SLA: variants seen among roughly 807,000 people sequenced by gnomAD.
SLA encodes the protein Src like adaptor.
A neutral mutation model predicts 30.3 loss-of-function variants in SLA; 16 were observed. The ratio of observed to expected loss-of-function variants is 0.53; its 90% CI spans 0.36 to 0.80. The LOEUF is 0.80. Among genes scored for constraint, SLA ranks in the 30% least tolerant of loss-of-function variants. The pLI is 0.01. For missense variants in SLA, 310 were observed against 345.2 expected, an observed-to-expected ratio of 0.90 and a Z score of 0.81; for synonymous variants, 143 against 137.8, an observed-to-expected ratio of 1.04 and a Z score of -0.26.
In SLA at chr8:133,090,519, C is replaced by T. The variant is rs540404793; in HGVS notation, c.-319+12034G>A. Among the ~76,000 whole-genome samples, 3 of 152,346 alleles carry T rather than the reference C, an allele frequency of 2.0e-5. No homozygotes were observed. The South Asian group carries it at 6.2e-4, about 32-fold the overall frequency. ...GCTGCTTTGCATGTAGAGGCACTTT[C>T]CCCCAAGTCAGACAGCGCAAGGGAC... is the stretch of plus-strand genomic sequence containing the variant. On this transcript the variant is annotated intron_variant, in intron 1 of 8. Transcript: ENST00000338087.
chr8:133,066,229 G>A (rs948458410), intron 2 of SLA, among the ~76,000 whole-genome samples: 7 of 151,038 alleles, frequency 4.6e-5, no homozygotes, highest in Non-Finnish European at 1.0e-4. Flanking sequence ...GGGAGGCTGA[G>A]GCAAGAGAAC....
At chr8:133,050,667 A>G (rs2252807) in intron 4 of SLA, 149 bp downstream of exon 4, 451,680 of 613,118 alleles carry the variant, frequency 0.74, 167,318 homozygotes, top group African/African-American at 0.82. Context: ...TTAAAGAGGA[A>G]GGTTGCAGTA....
intron 1 of SLA, among the ~76,000 whole-genome samples, chr8:133,089,801 C>T (rs1020106494): frequency 1.3e-5 from 2 of 152,140 alleles, no homozygotes; most frequent in African/African-American, 2.4e-5. Flanking sequence ...CAGCCTCTGA[C>T]CCCACTGCCA....
At chr8:133,082,224 A>G (rs1845857693) in intron 1 of SLA, among the ~76,000 whole-genome samples, 2 of 152,006 alleles carry the variant, frequency 1.3e-5, no homozygotes, top group African/African-American at 2.4e-5. Context: ...TATCTTTTCT[A>G]TTGGTCTGAC....
chr8:133,066,019 A>G (rs551895840), intron 2 of SLA, among the ~76,000 whole-genome samples: 1 of 152,154 alleles, frequency 6.6e-6, no homozygotes, highest in African/African-American at 2.4e-5. Context: ...TCAAAAGGGC[A>G]GGAGTGAATC....
chr8:133,075,636 A>G (rs1256427808), intron 1 of SLA, among the ~76,000 whole-genome samples: 2 of 152,172 alleles, frequency 1.3e-5, no homozygotes, highest in Non-Finnish European at 2.9e-5. Flanking sequence ...TGACGGCTAT[A>G]TCTTTCAAAG....
chr8:133,077,592 G>A (rs1845091354), intron 1 of SLA, among the ~76,000 whole-genome samples: 2 of 152,208 alleles, frequency 1.3e-5, no homozygotes, highest in Non-Finnish European at 2.9e-5. Context: ...TTGGCCCTGG[G>A]CCCAACCAGA....
At chr8:133,072,208 T>C (rs1484569602) in intron 2 of SLA, among the ~76,000 whole-genome samples, 2 of 152,250 alleles carry the variant, frequency 1.3e-5, no homozygotes, top group Non-Finnish European at 2.9e-5. Flanking sequence ...TTTGCAAAGC[T>C]GTTTGACAAC....
chr8:133,050,379 C>G, intron 4 of SLA: 1 of 280,890 alleles, frequency 3.6e-6, no homozygotes, highest in Non-Finnish European at 6.9e-6. Flanking sequence ...GGGCTTAGAA[C>G]TTCTGTCATG....
rs545230534 is a variant in SLA, at chr8:133,100,492, T to C, written c.-319+2061A>G. Among the ~76,000 whole-genome samples the C allele has an allele frequency of 4.8e-4, 73 of 152,358 alleles. 1 individual carries two copies. Among genetic ancestry groups the C allele is most frequent in the African/African-American group, 1.7e-3 (70 of 41,570 alleles). ...CACAATAGACATTCACTAGGATGAATGAATGAAATTATGAAGAACTGACTA... is the reference window on the plus strand; with the variant it reads ...CACAATAGACATTCACTAGGATGAACGAATGAAATTATGAAGAACTGACTA... On this transcript the variant is annotated intron_variant, in intron 1 of 8. Transcript: ENST00000338087.
intron 1 of SLA, among the ~76,000 whole-genome samples, chr8:133,086,964 C>G (rs1846659654): frequency 6.6e-6 from 1 of 152,016 alleles, no homozygotes; most frequent in Non-Finnish European, 1.5e-5. Flanking sequence ...TGAAAACAAT[C>G]TTGTAAATAA....
intron 1 of SLA, among the ~76,000 whole-genome samples, chr8:133,096,854 C>T (rs910831643): frequency 1.3e-5 from 2 of 152,240 alleles, no homozygotes; most frequent in South Asian, 2.1e-4. Context: ...CTGGCAAACA[C>T]GCAGCTTTGT....
chr8:133,037,262 C>G lies in SLA; in HGVS notation c.*1262G>C, dbSNP rs909861459. On this transcript the variant is annotated 3_prime_UTR_variant, in exon 9 of 9. Transcript: ENST00000338087. ...TGGATGGGAGCTTCTCCTTCTCTGG[C>G]TATACATTGTGTTTTCTCCCTTGTC... is the stretch of plus-strand genomic sequence containing the variant. 1 of 152,176 alleles carries G rather than the reference C, an allele frequency of 6.6e-6. No homozygotes were observed. The highest frequency in any genetic ancestry group is 6.5e-5 in the Admixed American group (1 of 15,274). The allele number at this position is 152,176 out of a possible 1,614,324, so 9.4% of individuals were successfully genotyped here.
At position 133,037,710 on chromosome 8, in the gene SLA, A is replaced by T. The variant is rs923211735; in HGVS notation, c.*814T>A. Reference sequence around the variant, plus strand: ...CAATGCCTATTCGGGCAATAAATGAATACTTGATGCATTCATACAGGCAAG... The same window carrying T: ...CAATGCCTATTCGGGCAATAAATGATTACTTGATGCATTCATACAGGCAAG... On this transcript the variant is annotated 3_prime_UTR_variant, in exon 9 of 9. Coordinates refer to ENST00000338087, the MANE Select transcript of SLA (RefSeq NM_001045556.3). 1.3e-4 allele frequency: 20 copies of T among 152,032 alleles called. No homozygotes were observed. The allele number at this position is 152,032 out of a possible 1,614,324, so 9.4% of individuals were successfully genotyped here. A position where few individuals can be genotyped will look rare whatever the true frequency, so the allele number is the denominator to read the frequency against.
At chr8:133,092,476 A>G (rs1025952911) in intron 1 of SLA, among the ~76,000 whole-genome samples, 8 of 152,206 alleles carry the variant, frequency 5.3e-5, no homozygotes, top group African/African-American at 1.9e-4. Context: ...GACTGAGAAG[A>G]CCTGATCCCT....
intron 1 of SLA, chr8:133,096,492 G>A (rs1564186930): frequency 8.0e-7 from 1 of 1,246,366 alleles, no homozygotes; most frequent in East Asian, 2.3e-5. Flanking sequence ...TGTGTGCAAT[G>A]CCTATGTGAG....
In SLA at chr8:133,038,502, G is replaced by C. The variant is rs773661301; in HGVS notation, c.*22C>G. 3.8e-6 allele frequency: 6 copies of C among 1,561,296 alleles called. No individual in the cohort carries two copies. The highest frequency in any genetic ancestry group is 5.3e-6 in the Non-Finnish European group (6 of 1,131,716). On this transcript the variant is annotated 3_prime_UTR_variant, in exon 9 of 9. Coordinates refer to ENST00000338087, the MANE Select transcript of SLA (RefSeq NM_001045556.3). The stretch of plus-strand genomic sequence containing the variant: ...TGGAACTTCTGTTCCTTTTGGGCAT[G>C]AACCATTGTGTCTGTTCTTGGCTAG...
intron 2 of SLA, among the ~76,000 whole-genome samples, chr8:133,067,935 G>C (rs1029125975): frequency 4.6e-5 from 7 of 150,790 alleles, no homozygotes; most frequent in Admixed American, 1.3e-4. Flanking sequence ...GAGAGAGAAA[G>C]AAAGAAAGAG....
intron 5 of SLA, chr8:133,049,266 T>C (rs1051276575): frequency 3.1e-5 from 13 of 417,168 alleles, no homozygotes; most frequent in Admixed American, 1.1e-4. Context: ...TACCCATTTT[T>C]CAAGGAAGGC....
Sources: allele counts gnomAD v4.1 joint callset (sites outside exome capture counted in the v4.1 genomes callset), GRCh38; gene constraint gnomAD v4.1.1; transcripts MANE v1.5; gene names NCBI Gene and HGNC (gene_info 2026-07-23, HGNC 2026-07-21).